Variants in DAP observed in about 807,000 individuals in gnomAD.
DAP encodes the protein death associated protein.
Under a neutral mutation model 13.8 loss-of-function variants are expected in DAP, and 8 were observed. That is an observed-to-expected ratio of 0.58 (90% CI 0.34 to 1.05). DAP has a LOEUF of 1.05. Ranked by LOEUF, DAP falls within the 50% of genes least tolerant of loss-of-function variation. DAP has a pLI of 0.03. For synonymous variants in DAP, 47 were observed against 47.5 expected (o/e 0.99, Z 0.04); for missense variants, 106 against 133.2 (o/e 0.80, Z 1.01).
Position 10,694,381 on chromosome 5 carries a change from T to C in DAP, c.153-10810A>G, listed in dbSNP as rs150083013. ...CTACCTTCTTAGGTGACTCTATATA[T>C]GTGCATACACACACACACACACACA... On this transcript the variant is annotated intron_variant, in intron 2 of 3. Transcript: ENST00000230895. Among the ~76,000 whole-genome samples the C allele has an allele frequency of 4.3e-4, 62 of 143,230 alleles. No homozygotes were observed. The East Asian group carries it at 0.01, about 24-fold the overall frequency. 94.0% of individuals were successfully genotyped at this position (143,230 alleles called of 152,430 possible).
intron 2 of DAP, among the ~76,000 whole-genome samples, chr5:10,694,034 C>T (rs1004684099): frequency 1.3e-5 from 2 of 152,008 alleles, no homozygotes; most frequent in African/African-American, 4.8e-5. Context: ...GGGTGGAGCC[C>T]GGGAGGAAGC....
intron 2 of DAP, among the ~76,000 whole-genome samples, chr5:10,733,223 T>C (rs1739518064): frequency 6.6e-6 from 1 of 151,434 alleles, no homozygotes; most frequent in Non-Finnish European, 1.5e-5. Flanking sequence ...CTACATTTTG[T>C]TTCTCCATTC....
At chr5:10,718,396 C>T (rs567427386) in intron 2 of DAP, among the ~76,000 whole-genome samples, 5 of 152,170 alleles carry the variant, frequency 3.3e-5, no homozygotes, top group Non-Finnish European at 7.3e-5. Context: ...ACATTGACTC[C>T]CTGACTAATG....
At chr5:10,705,711 T>C (rs1333550505) in intron 2 of DAP, among the ~76,000 whole-genome samples, 1 of 152,244 alleles carries the variant, frequency 6.6e-6, no homozygotes, top group Non-Finnish European at 1.5e-5. Flanking sequence ...AGTATCATCT[T>C]TCATGGGGAG....
At chr5:10,730,185 A>G (rs1426104192) in intron 2 of DAP, among the ~76,000 whole-genome samples, 1 of 152,216 alleles carries the variant, frequency 6.6e-6, no homozygotes, top group Non-Finnish European at 1.5e-5. Flanking sequence ...CCCTGTGAGA[A>G]GAGGGATTTT....
intron 2 of DAP, among the ~76,000 whole-genome samples, chr5:10,729,509 A>T (rs1411287005): frequency 6.6e-6 from 1 of 152,220 alleles, no homozygotes; most frequent in Non-Finnish European, 1.5e-5. Flanking sequence ...AACAGATGTC[A>T]TTTATAATCT....
At chr5:10,753,250 A>C (rs567972466) in intron 1 of DAP, among the ~76,000 whole-genome samples, 1 of 152,354 alleles carries the variant, frequency 6.6e-6, no homozygotes, top group South Asian at 2.1e-4. Flanking sequence ...GAGAAGGGGA[A>C]GCCAGCGGCC....
intron 2 of DAP, among the ~76,000 whole-genome samples, chr5:10,709,089 G>C (rs1738775613): frequency 6.6e-6 from 1 of 152,240 alleles, no homozygotes; most frequent in African/African-American, 2.4e-5. Flanking sequence ...CTCTGGAATA[G>C]ACAAGCATGT....
intron 2 of DAP, among the ~76,000 whole-genome samples, chr5:10,684,994 T>C (rs950918052): frequency 3.3e-5 from 5 of 152,214 alleles, no homozygotes; most frequent in Admixed American, 6.5e-5. Context: ...CCAGCCTGTC[T>C]CTTCCCAGCT....
At chr5:10,737,345 C>CAAAAA (rs35941385) in intron 2 of DAP, among the ~76,000 whole-genome samples, 1 of 102,836 alleles carries the variant, frequency 9.7e-6, no homozygotes, top group Non-Finnish European at 2.1e-5. Context: ...GACTCTGTCT[C>CAAAAA]AAAAAAAAAA....
At chr5:10,758,981 GTTCAAGAC>G (rs1366633831) in intron 1 of DAP, among the ~76,000 whole-genome samples, 1 of 152,224 alleles carries the variant, frequency 6.6e-6, no homozygotes, top group Non-Finnish European at 1.5e-5. Flanking sequence ...GAAGTCAGGA[GTTCAAGAC>G]CAGCCTGGCC....
chr5:10,698,970 G>T (rs559065861), intron 2 of DAP, among the ~76,000 whole-genome samples: 248 of 152,358 alleles, frequency 1.6e-3, no homozygotes, highest in Non-Finnish European at 2.7e-3. Context: ...CTGATTGGCT[G>T]ATACGGCTGA....
At chr5:10,747,714 T>C (rs1229727308) in intron 2 of DAP, among the ~76,000 whole-genome samples, 4 of 152,194 alleles carry the variant, frequency 2.6e-5, no homozygotes, top group African/African-American at 9.7e-5. Context: ...GTGCAAGAAT[T>C]TGCCTACTTC....
chr5:10,760,964 G>C (rs1740333531), intron 1 of DAP, 50 bp downstream of exon 1: 1 of 1,172,372 alleles, frequency 8.5e-7, no homozygotes, highest in Admixed American at 4.6e-5. Flanking sequence ...CCCCGGGTTC[G>C]AGCCCGCCCC....
intron 2 of DAP, among the ~76,000 whole-genome samples, chr5:10,742,211 T>C (rs941650656): frequency 2.6e-5 from 4 of 152,230 alleles, no homozygotes; most frequent in Non-Finnish European, 4.4e-5. Flanking sequence ...TATGGACTCA[T>C]GGATATTTAT....
At chr5:10,682,440 A>G (rs1738045107) in intron 3 of DAP, among the ~76,000 whole-genome samples, 2 of 148,134 alleles carry the variant, frequency 1.4e-5, no homozygotes, top group Non-Finnish European at 3.0e-5. Flanking sequence ...TGCAGGAAGC[A>G]TGGCAGTTGT....
In DAP at chr5:10,692,038, C is replaced by G. The variant is rs188880476; in HGVS notation, c.153-8467G>C. 3.3e-5 allele frequency among the ~76,000 whole-genome samples: 5 copies of G among 152,316 alleles called. No individual in the cohort carries two copies. The East Asian group carries it at 9.6e-4, about 29-fold the overall frequency. On this transcript the variant is annotated intron_variant, in intron 2 of 3. Transcript: ENST00000230895. Reference sequence around the variant, plus strand: ...ATAAAATGCCAGAAACGCTCAGTGACTGAGTAACCCTGTGGAATGCAGATA... The same window carrying G: ...ATAAAATGCCAGAAACGCTCAGTGAGTGAGTAACCCTGTGGAATGCAGATA...
chr5:10,707,028 A>G lies in DAP; in HGVS notation c.153-23457T>C, dbSNP rs976691802. On this transcript the variant is annotated intron_variant, in intron 2 of 3. Transcript: ENST00000230895. The surrounding 1 kb of genome is among the most constrained non-coding windows in gnomAD (Gnocchi z 4.0). ...ATGGCAGGCTAAGTTCAAAACCCAC[A>G]TGGAGAAGTCAGAGGGGACTGGCCT... Among the ~76,000 whole-genome samples the G allele has an allele frequency of 6.6e-6, 1 of 152,142 alleles. No individual in the cohort carries two copies. The highest frequency in any genetic ancestry group is 1.5e-5 in the Non-Finnish European group (1 of 68,032).
chr5:10,746,322 G>A (rs145867184), intron 2 of DAP, among the ~76,000 whole-genome samples: 1,657 of 138,604 alleles, frequency 0.012, 34 homozygotes, highest in African/African-American at 0.043. Flanking sequence ...TAATTCTAGC[G>A]TTTTTTTTTT....
Sources: gnomAD v4.1 joint callset for allele counts (sites outside exome capture counted in the v4.1 genomes callset) on GRCh38, gnomAD v4.1.1 for gene constraint, Gnocchi (gnomAD v3.1) non-coding constraint, MANE v1.5 for transcripts, NCBI Gene and HGNC (gene_info 2026-07-23, HGNC 2026-07-21) for gene names.